Variants in ZNRF1 observed in about 807,000 individuals in gnomAD.
The protein encoded by ZNRF1 is E3 ubiquitin-protein ligase ZNRF1.
In ZNRF1, 3 loss-of-function variants were observed where a neutral mutation model predicts 18.4. The ratio of observed to expected loss-of-function variants is 0.16; its 90% CI spans 0.07 to 0.42. ZNRF1 has a LOEUF of 0.42. Ranked by LOEUF, ZNRF1 falls within the 10% of genes least tolerant of loss-of-function variation. ZNRF1 has a pLI of 0.99. For missense variants in ZNRF1, 310 were observed against 329.8 expected, an observed-to-expected ratio of 0.94 and a Z score of 0.47; for synonymous variants, 157 against 144.2, an observed-to-expected ratio of 1.09 and a Z score of -0.64.
At chr16:75,041,716 T>G (rs1403530162) in intron 1 of ZNRF1, among the ~76,000 whole-genome samples, 1 of 152,088 alleles carries the variant, frequency 6.6e-6, no homozygotes, top group Non-Finnish European at 1.5e-5. Flanking sequence ...TTTGGTGAAA[T>G]GTCAATTCAA....
At chr16:75,071,879 CTT>C in intron 1 of ZNRF1, among the ~76,000 whole-genome samples, 1 of 152,276 alleles carries the variant, frequency 6.6e-6, no homozygotes, top group East Asian at 1.9e-4. Context: ...ACCTGCAACT[CTT>C]TCCTTTTCAC....
At chr16:75,000,847 CAGGG>C (rs1176040360) in intron 1 of ZNRF1, among the ~76,000 whole-genome samples, 2 of 152,170 alleles carry the variant, frequency 1.3e-5, no homozygotes, top group Non-Finnish European at 2.9e-5. Context: ...CTTTTTGTAA[CAGGG>C]AGCCTGTCAC....
chr16:75,054,323 T>C (rs557903172), intron 1 of ZNRF1, among the ~76,000 whole-genome samples: 1 of 152,370 alleles, frequency 6.6e-6, no homozygotes, highest in South Asian at 2.1e-4. Context: ...GGTACTCTTG[T>C]TCTAAAAGTC....
intron 1 of ZNRF1, among the ~76,000 whole-genome samples, chr16:75,037,211 T>G (rs867641327): frequency 3.9e-5 from 6 of 152,222 alleles, no homozygotes; most frequent in Middle Eastern, 3.2e-3. Context: ...TCCTCCTGTT[T>G]CAGCAAACTC....
chr16:75,028,997 A>G (rs1433764092), intron 1 of ZNRF1, among the ~76,000 whole-genome samples: 1 of 151,798 alleles, frequency 6.6e-6, no homozygotes, highest in African/African-American at 2.4e-5. Flanking sequence ...TTTATATATC[A>G]CAAACTTGGT....
In ZNRF1 at chr16:75,043,790, CTT is replaced by C. The variant is rs59324869; in HGVS notation, c.424+43710_424+43711del. Reference sequence around the variant, plus strand: ...AGGAGCCAGCCATTCTTGCTTTGTACTTTTTTTTTTTTTTTTGAGACAGAGTT... The same window carrying C: ...AGGAGCCAGCCATTCTTGCTTTGTACTTTTTTTTTTTTTTGAGACAGAGTT... On this transcript the variant is annotated intron_variant, in intron 1 of 4. Coordinates refer to ENST00000335325, the MANE Select transcript of ZNRF1 (RefSeq NM_032268.5). Among the ~76,000 whole-genome samples the C allele has an allele frequency of 1.2e-4, 9 of 75,166 alleles. 1 individual carries two copies. The highest frequency in any genetic ancestry group is 2.3e-4 in the African/African-American group (5 of 21,982). The allele number at this position is 75,166 out of a possible 152,430, so 49.3% of individuals were successfully genotyped here. A position where few individuals can be genotyped will look rare whatever the true frequency, so the allele number is the denominator to read the frequency against.
At chr16:75,032,864 T>C (rs1380970082) in intron 1 of ZNRF1, among the ~76,000 whole-genome samples, 2 of 152,010 alleles carry the variant, frequency 1.3e-5, no homozygotes, top group Non-Finnish European at 2.9e-5. Flanking sequence ...AAATTAAAAA[T>C]TAGTTGGGCA....
At chr16:75,100,720 G>T (rs1239856091) in intron 2 of ZNRF1, among the ~76,000 whole-genome samples, 1 of 152,196 alleles carries the variant, frequency 6.6e-6, no homozygotes, top group Non-Finnish European at 1.5e-5. Flanking sequence ...TCCTCCTTAA[G>T]TATGGAGGGG....
Position 75,033,283 on chromosome 16 carries a change from T to C in ZNRF1, c.424+33188T>C, listed in dbSNP as rs573026082. 2.0e-5 allele frequency among the ~76,000 whole-genome samples: 3 copies of C among 148,648 alleles called. No homozygotes were observed. In the South Asian group the frequency reaches 6.3e-4, roughly 31 times the overall value. On this transcript the variant is annotated intron_variant, in intron 1 of 4. Coordinates refer to ENST00000335325, the MANE Select transcript of ZNRF1 (RefSeq NM_032268.5). ...TCTACAAAAAAAAAAAAAAAAGGAA[T>C]GCTTGCAGGAATTTTGATTGGGATT...
At chr16:75,060,019 G>C (rs1358114874) in intron 1 of ZNRF1, among the ~76,000 whole-genome samples, 1 of 152,084 alleles carries the variant, frequency 6.6e-6, no homozygotes, top group Non-Finnish European at 1.5e-5. Context: ...AGGAGCACTT[G>C]GACTTGCCGT....
At chr16:75,026,120 C>T (rs769807757) in intron 1 of ZNRF1, among the ~76,000 whole-genome samples, 10 of 152,218 alleles carry the variant, frequency 6.6e-5, no homozygotes, top group Non-Finnish European at 1.0e-4. Flanking sequence ...CTGAATTTTC[C>T]TCCCTCTTCT....
At chr16:75,053,363 T>G (rs1352156788) in intron 1 of ZNRF1, among the ~76,000 whole-genome samples, 1 of 152,006 alleles carries the variant, frequency 6.6e-6, no homozygotes, top group Non-Finnish European at 1.5e-5. Flanking sequence ...CCAAGGCAGG[T>G]GGATCACCTG....
At chr16:75,043,736 C>G (rs2035478525) in intron 1 of ZNRF1, among the ~76,000 whole-genome samples, 2 of 150,124 alleles carry the variant, frequency 1.3e-5, no homozygotes, top group Non-Finnish European at 2.9e-5. Flanking sequence ...GGGTGGAGTA[C>G]TGGTTTTCCA....
Position 75,093,363 on chromosome 16 carries a change from C to T in ZNRF1, c.425-209C>T, listed in dbSNP as rs62059200. On this transcript the variant is annotated intron_variant, in intron 1 of 4. Transcript: ENST00000335325. The stretch of plus-strand genomic sequence containing the variant: ...TCGTGCCACTGCACTCCAGCCTGGG[C>T]GACAGAGTGAGACTTCGTCTCAAAA... Among the ~76,000 whole-genome samples the T allele has an allele frequency of 0.086, 12,663 of 147,140 alleles. 639 individuals are homozygous for T. Among genetic ancestry groups the T allele is most frequent in the Admixed American group, 0.14 (1,986 of 14,526 alleles).
At chr16:75,013,392 G>A (rs151310462) in intron 1 of ZNRF1, among the ~76,000 whole-genome samples, 1 of 151,926 alleles carries the variant, frequency 6.6e-6, no homozygotes, top group Non-Finnish European at 1.5e-5. Context: ...CTGTCGCCAG[G>A]CTGGAGTGCA....
chr16:75,100,799 C>G (rs1215732373), intron 2 of ZNRF1, among the ~76,000 whole-genome samples: 1 of 152,186 alleles, frequency 6.6e-6, no homozygotes, highest in Non-Finnish European at 1.5e-5. Context: ...GTGTCCAAGA[C>G]AAAGAGAGTG....
At chr16:75,100,883 T>G (rs1027998022) in intron 2 of ZNRF1, among the ~76,000 whole-genome samples, 12 of 152,238 alleles carry the variant, frequency 7.9e-5, no homozygotes, top group African/African-American at 2.9e-4. Context: ...CTCCCATCTC[T>G]GTTGAGGTTT....
At chr16:75,016,960 C>T (rs1156715581) in intron 1 of ZNRF1, among the ~76,000 whole-genome samples, 3 of 152,126 alleles carry the variant, frequency 2.0e-5, no homozygotes, top group Non-Finnish European at 4.4e-5. Flanking sequence ...AGAATAAACA[C>T]AGTGAAGTAC....
intron 1 of ZNRF1, among the ~76,000 whole-genome samples, chr16:75,001,224 C>T (rs974194369): frequency 6.6e-6 from 1 of 152,120 alleles, no homozygotes; most frequent in East Asian, 1.9e-4. Context: ...TCTGTTGGAT[C>T]ACTCTTTTAA....
Sources: gnomAD v4.1 joint callset for allele counts (sites outside exome capture counted in the v4.1 genomes callset) on GRCh38, gnomAD v4.1.1 for gene constraint, MANE v1.5 for transcripts, NCBI Gene and HGNC (gene_info 2026-07-23, HGNC 2026-07-21) for gene names.